Variants in TUT4 observed in about 807,000 individuals in gnomAD.
TUT4 encodes the protein terminal uridylyl transferase 4.
Under a neutral mutation model 192.2 loss-of-function variants are expected in TUT4, and 36 were observed. The observed-to-expected ratio is 0.19, with a 90% CI of 0.14 to 0.25. The LOEUF is 0.25. Among genes scored for constraint, TUT4 ranks in the 10% least tolerant of loss-of-function variants. The pLI, the probability that TUT4 is intolerant of heterozygous loss-of-function variation, is 1.00. For synonymous variants in TUT4, 618 were observed against 666.0 expected, an observed-to-expected ratio of 0.93 and a Z score of 1.11; for missense variants, 1,493 against 1,957.2, an observed-to-expected ratio of 0.76 and a Z score of 4.47.
At chr1:52,467,936 A>G (rs2148796564) in intron 15 of TUT4, among the ~76,000 whole-genome samples, 1 of 152,154 alleles carries the variant, frequency 6.6e-6, no homozygotes, top group South Asian at 2.1e-4. Flanking sequence ...CAGTTCTTTT[A>G]TCTCCTATAC....
At position 52,481,912 on chromosome 1, in the gene TUT4, A is replaced by C. The variant is rs756911916; in HGVS notation, c.1527T>G (p.Ile509Met). Reference protein sequence around the residue: ...AFRYWAKLCYIDSQTDGGIPS... With the variant: ...AFRYWAKLCYMDSQTDGGIPS... The stretch of plus-strand genomic sequence containing the variant: ...GGATTCCACCATCAGTTTGGGAGTC[A>C]ATATAGCACAACTGCAAAATGAAGG... Residue 509 changes from isoleucine (I) to methionine (M), a missense_variant, in exon 10 of 30, where the codon ATT becomes ATG. Ile to Met is a conservative substitution (Grantham distance 10). This residue lies in a region of TUT4 where 437 missense variants were observed against 577.6 expected (regional missense o/e 0.76). Coordinates refer to ENST00000257177, the MANE Select transcript of TUT4 (RefSeq NM_001009881.3). 24 of 1,548,710 alleles carry C rather than the reference A, an allele frequency of 1.5e-5. No individual in the cohort carries two copies. The highest frequency in any genetic ancestry group is 1.8e-5 in the Non-Finnish European group (21 of 1,156,448).
rs888217523 is a variant in TUT4, at chr1:52,425,218, A to G, written c.4870+131T>C. On this transcript the variant is annotated intron_variant, in intron 29 of 29. Transcript: ENST00000257177. ...ACAAGCACCTAGCACCATCTGACAC[A>G]CAGTATAATTTCTCAGTAAATGTTT... 2.6e-6 allele frequency: 3 copies of G among 1,151,612 alleles called. No individual in the cohort carries two copies. The African/African-American group carries it at 4.7e-5, about 18-fold the overall frequency. 71.3% of individuals were successfully genotyped at this position (1,151,612 alleles called of 1,614,324 possible). A position where few individuals can be genotyped will look rare whatever the true frequency, so the allele number is the denominator to read the frequency against.
intron 9 of TUT4, 52 bp from the exon 10 acceptor site, chr1:52,481,975 T>C: frequency 1.4e-6 from 2 of 1,401,184 alleles, no homozygotes; most frequent in East Asian, 2.6e-5. Flanking sequence ...TTAATTTTCA[T>C]GATAAAAGTA....
intron 20 of TUT4, among the ~76,000 whole-genome samples, chr1:52,456,806 T>C (rs188611011): frequency 5.3e-5 from 8 of 152,328 alleles, no homozygotes. Flanking sequence ...TCATTATATA[T>C]TGTCCAAACC....
In TUT4 at chr1:52,541,764, C is replaced by A. The variant is rs114367912; in HGVS notation, c.-94+11167G>T. On this transcript the variant is annotated intron_variant, in intron 1 of 29. Transcript: ENST00000257177. ...CATCAAATTTAAAACTTTTGTATTT[C>A]AATGAGCACACTCAAGAAAATGAAA... Among the ~76,000 whole-genome samples, 1,363 of 152,248 alleles carry A rather than the reference C, an allele frequency of 9.0e-3. 23 individuals carry two copies. The highest frequency in any genetic ancestry group is 0.031 in the African/African-American group (1,296 of 41,562).
At chr1:52,522,745 G>C (rs1680615114) in intron 2 of TUT4, among the ~76,000 whole-genome samples, 1 of 151,924 alleles carries the variant, frequency 6.6e-6, no homozygotes, top group Non-Finnish European at 1.5e-5. Flanking sequence ...GGCCAACATG[G>C]CGAAACCCCA....
intron 15 of TUT4, among the ~76,000 whole-genome samples, chr1:52,466,677 TATA>T (rs1557740053): frequency 1.4e-4 from 20 of 139,424 alleles, no homozygotes; most frequent in Non-Finnish European, 2.1e-4. Context: ...TATATATATA[TATA>T]TATTTTTGAG....
intron 7 of TUT4, among the ~76,000 whole-genome samples, chr1:52,492,420 A>G (rs1338043843): frequency 2.0e-5 from 3 of 152,240 alleles, no homozygotes; most frequent in Non-Finnish European, 4.4e-5. Flanking sequence ...AATAACAATC[A>G]CAACAGCAAA....
Position 52,423,640 on chromosome 1 carries a change from TA to T in TUT4, c.*294del. The T allele has an allele frequency of 2.2e-6, 1 of 450,712 alleles. No homozygotes were observed. Among genetic ancestry groups the T allele is most frequent in the East Asian group, 5.3e-5 (1 of 18,794 alleles). 27.9% of individuals were successfully genotyped at this position (450,712 alleles called of 1,614,324 possible). Reference sequence around the variant, plus strand: ...GGTTAAACAAAACATAAAATTCCCTTAAAAATAGGGTAATAAAATAGATGAA... The same window carrying T: ...GGTTAAACAAAACATAAAATTCCCTTAAAATAGGGTAATAAAATAGATGAA... On this transcript the variant is annotated 3_prime_UTR_variant, in exon 30 of 30. Coordinates refer to ENST00000257177, the MANE Select transcript of TUT4 (RefSeq NM_001009881.3).
At chr1:52,459,335 T>C (rs1424859113) in intron 19 of TUT4, among the ~76,000 whole-genome samples, 1 of 151,000 alleles carries the variant, frequency 6.6e-6, no homozygotes, top group Non-Finnish European at 1.5e-5. Context: ...ATGCCTGTCA[T>C]CTCAGCACTT....
Position 52,446,674 on chromosome 1 carries a change from A to T in TUT4, c.3436-7T>A, listed in dbSNP as rs773624989. ...TCTGTTTTCCATCAAAGATCTGCAT[A>T]AAAAAATTAATTGTATTATTAGATT... On this transcript the variant is annotated splice_polypyrimidine_tract_variant and splice_region_variant and intron_variant, in intron 20 of 29. Coordinates refer to ENST00000257177, the MANE Select transcript of TUT4 (RefSeq NM_001009881.3). The T allele has an allele frequency of 6.9e-6, 11 of 1,593,822 alleles. No individual in the cohort carries two copies. Among genetic ancestry groups the T allele is most frequent in the African/African-American group, 4.1e-5 (3 of 73,810 alleles).
At chr1:52,457,185 C>T (rs576147556) in intron 20 of TUT4, among the ~76,000 whole-genome samples, 9 of 152,022 alleles carry the variant, frequency 5.9e-5, no homozygotes, top group Non-Finnish European at 1.2e-4. Context: ...CTTACTAAGG[C>T]TATCTGACAC....
At chr1:52,504,411 C>A (rs1283100508) in intron 4 of TUT4, among the ~76,000 whole-genome samples, 1 of 152,102 alleles carries the variant, frequency 6.6e-6, no homozygotes, top group Non-Finnish European at 1.5e-5. Flanking sequence ...GCGGGTGGAT[C>A]AGGAGGTCAG....
chr1:52,470,543 C>G (rs950805306), intron 14 of TUT4, among the ~76,000 whole-genome samples: 13 of 151,826 alleles, frequency 8.6e-5, no homozygotes, highest in Non-Finnish European at 2.9e-5. Flanking sequence ...TGTGGTATAA[C>G]CATACAATGG....
chr1:52,525,165 T>C (rs1681392789), intron 2 of TUT4, among the ~76,000 whole-genome samples: 1 of 152,200 alleles, frequency 6.6e-6, no homozygotes, highest in Non-Finnish European at 1.5e-5. Context: ...TTGTTTGTTT[T>C]GGTTTTCCAT....
intron 19 of TUT4, among the ~76,000 whole-genome samples, chr1:52,458,675 T>C (rs1190564803): frequency 6.6e-6 from 1 of 151,854 alleles, no homozygotes; most frequent in Admixed American, 6.6e-5. Context: ...GACCCCATCT[T>C]ACAAACAAAC....
intron 25 of TUT4, chr1:52,437,734 C>T (rs961041959): frequency 6.5e-6 from 1 of 152,802 alleles, no homozygotes; most frequent in Admixed American, 6.5e-5. Flanking sequence ...GCAGGCAGAT[C>T]ACGAGGTCAG....
At chr1:52,424,248 A>G in intron 29 of TUT4, 1 of 482,408 alleles carries the variant, frequency 2.1e-6, no homozygotes, top group Non-Finnish European at 3.8e-6. Context: ...CCCACTAGAA[A>G]AGAGTTGCAG....
At chr1:52,435,255 C>A in intron 27 of TUT4, 110 bp downstream of exon 27, 2 of 798,600 alleles carry the variant, frequency 2.5e-6, no homozygotes, top group Non-Finnish European at 4.0e-6. Context: ...ATACAAAGCA[C>A]TGTGTAATCT....
Sources: gnomAD v4.1 joint callset for allele counts (sites outside exome capture counted in the v4.1 genomes callset) on GRCh38, gnomAD v4.1.1 for gene constraint, gnomAD v4.1.1 regional missense constraint, MANE v1.5 for transcripts, NCBI Gene and HGNC (gene_info 2026-07-23, HGNC 2026-07-21) for gene names.